STAG1: variants seen among roughly 807,000 people sequenced by gnomAD.
STAG1 encodes the protein cohesin subunit SA-1.
A neutral mutation model predicts 170.9 loss-of-function variants in STAG1; 26 were observed. The observed-to-expected ratio is 0.15, with a 90% CI of 0.11 to 0.21. The LOEUF (loss-of-function observed/expected upper bound fraction) is 0.21. Among genes scored for constraint, STAG1 ranks in the 10% least tolerant of loss-of-function variants. The pLI, the probability that STAG1 is intolerant of heterozygous loss-of-function variation, is 1.00. For synonymous variants in STAG1, 514 were observed against 497.7 expected (o/e 1.03, Z -0.44); for missense variants, 964 against 1,509.5 (o/e 0.64, Z 5.99).
intron 19 of STAG1, 40 bp from the exon 20 acceptor site, chr3:136,421,203 C>A: frequency 7.2e-7 from 1 of 1,393,028 alleles, no homozygotes; most frequent in South Asian, 1.2e-5. Flanking sequence ...CAACTTTACT[C>A]ACCTTATAGT....
intron 1 of STAG1, among the ~76,000 whole-genome samples, chr3:136,721,059 G>A (rs1302850374): frequency 6.6e-6 from 1 of 152,186 alleles, no homozygotes; most frequent in Non-Finnish European, 1.5e-5. Flanking sequence ...GAATCCAGCA[G>A]TTCCTTCCTT....
chr3:136,608,081 A>ACC (rs1398837262), intron 3 of STAG1, among the ~76,000 whole-genome samples: 6 of 152,076 alleles, frequency 3.9e-5, no homozygotes, highest in Non-Finnish European at 1.5e-5. Context: ...ACATGGCAAA[A>ACC]CCCCATCGCT....
At chr3:136,525,987 A>G (rs1935000053) in intron 6 of STAG1, among the ~76,000 whole-genome samples, 1 of 152,166 alleles carries the variant, frequency 6.6e-6, no homozygotes, top group Admixed American at 6.5e-5. Context: ...CTGTTCTTTT[A>G]CATTTGCTGA....
intron 3 of STAG1, among the ~76,000 whole-genome samples, chr3:136,613,686 C>T (rs528902359): frequency 6.6e-6 from 1 of 152,186 alleles, no homozygotes; most frequent in East Asian, 1.9e-4. Flanking sequence ...AGGGTTTCAC[C>T]ATGTTGGCCA....
At chr3:136,644,993 G>A (rs1199948125) in intron 1 of STAG1, among the ~76,000 whole-genome samples, 1 of 152,120 alleles carries the variant, frequency 6.6e-6, no homozygotes, top group African/African-American at 2.4e-5. Context: ...ATCTCCCGAA[G>A]TGCTGGGATT....
At chr3:136,445,210 T>C (rs182201873) in intron 14 of STAG1, among the ~76,000 whole-genome samples, 1 of 152,196 alleles carries the variant, frequency 6.6e-6, no homozygotes, top group East Asian at 1.9e-4. Context: ...TAATACTGAT[T>C]AGCATCTTTG....
intron 4 of STAG1, among the ~76,000 whole-genome samples, chr3:136,596,554 C>A (rs925563772): frequency 6.6e-6 from 1 of 152,066 alleles, no homozygotes; most frequent in African/African-American, 2.4e-5. Flanking sequence ...ACCTATATAT[C>A]ATATAAACCT....
At chr3:136,414,502 T>C (rs1474892320) in intron 21 of STAG1, among the ~76,000 whole-genome samples, 3 of 152,212 alleles carry the variant, frequency 2.0e-5, no homozygotes, top group African/African-American at 7.2e-5. Flanking sequence ...CTAGCTCTCT[T>C]GCTATCTCCA....
chr3:136,462,207 G>GA (rs1214875831), intron 13 of STAG1, among the ~76,000 whole-genome samples: 1 of 151,918 alleles, frequency 6.6e-6, no homozygotes, highest in Admixed American at 6.6e-5. Context: ...ATATCTACAA[G>GA]AAAAAAATCA....
chr3:136,498,208 A>T (rs1418603573), intron 9 of STAG1, among the ~76,000 whole-genome samples: 2 of 34,058 alleles, frequency 5.9e-5, no homozygotes, highest in African/African-American at 2.1e-4. Context: ...AAAAAAAAAA[A>T]ATTATATATA....
At chr3:136,449,468 G>A (rs1441001850) in intron 14 of STAG1, among the ~76,000 whole-genome samples, 1 of 151,842 alleles carries the variant, frequency 6.6e-6, no homozygotes, top group Non-Finnish European at 1.5e-5. Flanking sequence ...GATAAAGTAT[G>A]AGAATTGCTT....
intron 23 of STAG1, among the ~76,000 whole-genome samples, chr3:136,371,150 A>C: frequency 6.6e-6 from 1 of 152,164 alleles, no homozygotes; most frequent in Non-Finnish European, 1.5e-5. Context: ...GGCTGCATAA[A>C]TGTCTTCTTT....
chr3:136,724,254 T>C (rs1933526766), intron 1 of STAG1, among the ~76,000 whole-genome samples: 1 of 152,100 alleles, frequency 6.6e-6, no homozygotes, highest in African/African-American at 2.4e-5. Context: ...TTTTGTTCTG[T>C]ACTAAGAAAA....
chr3:136,561,816 C>CTT (rs1936853298), intron 5 of STAG1, among the ~76,000 whole-genome samples: 2 of 59,572 alleles, frequency 3.4e-5, no homozygotes, highest in African/African-American at 1.5e-4. Context: ...GGGGTTAAAA[C>CTT]ATTTTTTTTT....
intron 2 of STAG1, among the ~76,000 whole-genome samples, chr3:136,630,483 C>T (rs539003805): frequency 1.6e-4 from 24 of 152,236 alleles, no homozygotes; most frequent in Non-Finnish European, 2.6e-4. Flanking sequence ...AGGCTTTCCA[C>T]GCAATACTAT....
chr3:136,555,417 C>T (rs1452799955), intron 5 of STAG1, among the ~76,000 whole-genome samples: 1 of 151,616 alleles, frequency 6.6e-6, no homozygotes, highest in Non-Finnish European at 1.5e-5. Context: ...GGCACAGTGG[C>T]TCAAGCCTGT....
chr3:136,443,163 T>C (rs367672676), intron 15 of STAG1, 124 bp downstream of exon 15: 1 of 559,412 alleles, frequency 1.8e-6, no homozygotes. Context: ...AAACAAATTG[T>C]TCTCTTGGCA....
chr3:136,676,250 C>T (rs1942126178), intron 1 of STAG1, among the ~76,000 whole-genome samples: 1 of 152,164 alleles, frequency 6.6e-6, no homozygotes, highest in Non-Finnish European at 1.5e-5. Context: ...ACATTACTGT[C>T]CATTACTGTA....
rs370633401 is a variant in STAG1, at chr3:136,601,185, A to G, written c.297+3124T>C. ...CTAAAGAAGTACTATTTTTAATACAATAAAACTGGAAACAGTTCAAATAAA... is the reference window on the plus strand; with the variant it reads ...CTAAAGAAGTACTATTTTTAATACAGTAAAACTGGAAACAGTTCAAATAAA... On this transcript the variant is annotated intron_variant, in intron 4 of 33. Coordinates refer to ENST00000383202, the MANE Select transcript of STAG1 (RefSeq NM_005862.3). Among the ~76,000 whole-genome samples the G allele has an allele frequency of 7.9e-5, 12 of 152,292 alleles. No homozygotes were observed. In the East Asian group the frequency reaches 1.9e-3, roughly 25 times the overall value.
Sources: allele counts gnomAD v4.1 joint callset (sites outside exome capture counted in the v4.1 genomes callset), GRCh38; gene constraint gnomAD v4.1.1; transcripts MANE v1.5; gene names NCBI Gene and HGNC (gene_info 2026-07-23, HGNC 2026-07-21).